MYO3B: variants seen among roughly 807,000 people sequenced by gnomAD.
MYO3B encodes myosin-IIIb.
Under a neutral mutation model 174.6 loss-of-function variants are expected in MYO3B, and 156 were observed. The observed-to-expected ratio is 0.89, with a 90% CI of 0.78 to 1.02. The LOEUF (loss-of-function observed/expected upper bound fraction) is 1.02. MYO3B is among the 50% of genes least tolerant of loss of function. The probability of loss-of-function intolerance (pLI) is 0.00; values close to 1 mark genes in which losing one functional copy is unlikely to be tolerated. For synonymous variants in MYO3B, 563 were observed against 569.1 expected (o/e 0.99, Z 0.15); for missense variants, 1,632 against 1,639.4 (o/e 1.00, Z 0.08).
chr2:170,593,569 C>G (rs1371973972), intron 32 of MYO3B, among the ~76,000 whole-genome samples: 1 of 152,236 alleles, frequency 6.6e-6, no homozygotes, highest in Non-Finnish European at 1.5e-5. Flanking sequence ...TGAATATCAG[C>G]TAACACTGGC....
intron 8 of MYO3B, among the ~76,000 whole-genome samples, chr2:170,352,707 C>G (rs554290581): frequency 6.6e-6 from 1 of 152,300 alleles, no homozygotes; most frequent in African/African-American, 2.4e-5. Context: ...TCACAGAATT[C>G]CTGAAAATGT....
At chr2:170,530,591 C>G (rs138355123) in intron 30 of MYO3B, among the ~76,000 whole-genome samples, 1 of 152,198 alleles carries the variant, frequency 6.6e-6, no homozygotes, top group Non-Finnish European at 1.5e-5. Flanking sequence ...AACTACCCAG[C>G]GCCAGGTTGA....
intron 32 of MYO3B, among the ~76,000 whole-genome samples, chr2:170,649,148 T>TAAAATAATATATAA (rs1698707802): frequency 1.5e-5 from 1 of 68,516 alleles, no homozygotes; most frequent in Admixed American, 2.7e-4. Context: ...ATATAATATA[T>TAAAATAATATATAA]TATATATAAA....
intron 8 of MYO3B, chr2:170,348,212 G>A (rs2094031915): frequency 6.6e-6 from 1 of 152,028 alleles, no homozygotes; most frequent in Admixed American, 6.6e-5. Context: ...CCTCTTTATG[G>A]CTACATAATA....
chr2:170,228,960 CAAAAAAAAA>C (rs539746576), intron 6 of MYO3B, among the ~76,000 whole-genome samples: 17 of 98,320 alleles, frequency 1.7e-4, no homozygotes, highest in African/African-American at 5.8e-4. Context: ...ATTCCCTTTA[CAAAAAAAAA>C]AAAAAAAAAA....
intron 22 of MYO3B, among the ~76,000 whole-genome samples, chr2:170,419,420 C>A (rs2094601339): frequency 6.6e-6 from 1 of 152,128 alleles, no homozygotes; most frequent in African/African-American, 2.4e-5. Context: ...AATAAGGACA[C>A]CAGTCATAAT....
chr2:170,577,448 T>C (rs925804886), intron 32 of MYO3B, among the ~76,000 whole-genome samples: 1 of 152,180 alleles, frequency 6.6e-6, no homozygotes, highest in Admixed American at 6.5e-5. Context: ...CCAGCTTATA[T>C]TGACTAACTG....
At chr2:170,501,740 T>A (rs904827143) in intron 27 of MYO3B, 45 bp from the exon 28 acceptor site, 2 of 1,345,514 alleles carry the variant, frequency 1.5e-6, no homozygotes, top group Admixed American at 3.4e-5. Context: ...CTCTGGCACG[T>A]TCTTAAATTA....
Position 170,383,780 on chromosome 2 carries a change from C to T in MYO3B, c.1256C>T (p.Ala419Val). 6.2e-7 allele frequency: 1 copy of T among 1,613,706 alleles called. No homozygotes were observed. Among genetic ancestry groups the T allele is most frequent in the Non-Finnish European group, 8.5e-7 (1 of 1,179,678 alleles). Residue 419 changes from alanine to valine, a missense_variant, in exon 12 of 35, where the codon GCT (alanine) becomes GTT (valine). Transcript: ENST00000408978. ...PPHIFASADA[A>V]YQCMVTLSKD... ...CACATATTTGCATCAGCAGATGCTG[C>T]TTACCAGTGCATGGTTACTCTCAGC...
At chr2:170,523,870 T>C (rs564556208) in intron 30 of MYO3B, among the ~76,000 whole-genome samples, 80 of 152,220 alleles carry the variant, frequency 5.3e-4, no homozygotes, top group African/African-American at 1.8e-3. Context: ...TTGCATATGA[T>C]TGGCCAGAAT....
chr2:170,488,469 G>C (rs886186794), intron 25 of MYO3B, among the ~76,000 whole-genome samples: 3 of 151,258 alleles, frequency 2.0e-5, no homozygotes, highest in Admixed American at 6.6e-5. Context: ...TCTTTCCCTT[G>C]TTAAAAAAAA....
chr2:170,430,499 GTGAC>G (rs2094700575), intron 22 of MYO3B, among the ~76,000 whole-genome samples: 1 of 151,752 alleles, frequency 6.6e-6, no homozygotes, highest in Admixed American at 6.6e-5. Context: ...AGCCTCCTGA[GTGAC>G]TGGTATTACA....
chr2:170,250,793 G>C (rs1312911705), intron 7 of MYO3B, among the ~76,000 whole-genome samples: 4 of 152,044 alleles, frequency 2.6e-5, no homozygotes, highest in Non-Finnish European at 5.9e-5. Context: ...GCTGGACAGG[G>C]GATGGAGTGG....
chr2:170,184,526 T>C (rs533367353), intron 1 of MYO3B, among the ~76,000 whole-genome samples: 1 of 152,108 alleles, frequency 6.6e-6, no homozygotes, highest in Non-Finnish European at 1.5e-5. Flanking sequence ...ATCTCATTCT[T>C]TTTATGGCTG....
At chr2:170,385,984 A>G in intron 12 of MYO3B, 1 of 425,428 alleles carries the variant, frequency 2.4e-6, no homozygotes, top group Admixed American at 4.0e-5. Flanking sequence ...TGGACAGATT[A>G]AACAGATTAT....
chr2:170,590,115 A>G (rs1017885642), intron 32 of MYO3B, among the ~76,000 whole-genome samples: 2 of 152,216 alleles, frequency 1.3e-5, no homozygotes, highest in Non-Finnish European at 2.9e-5. Context: ...AAATCACCTA[A>G]CAACACATTT....
At chr2:170,487,544 A>T (rs1292231293) in intron 25 of MYO3B, among the ~76,000 whole-genome samples, 1 of 152,172 alleles carries the variant, frequency 6.6e-6, no homozygotes, top group Non-Finnish European at 1.5e-5. Context: ...AAGCCCTAAA[A>T]CTCTACAGAG....
chr2:170,466,947 T>C (rs1208057464), intron 25 of MYO3B, among the ~76,000 whole-genome samples: 1 of 152,178 alleles, frequency 6.6e-6, no homozygotes, highest in African/African-American at 2.4e-5. Flanking sequence ...TCCATATACG[T>C]TTATATGTTA....
intron 7 of MYO3B, among the ~76,000 whole-genome samples, chr2:170,320,648 A>G (rs974689421): frequency 6.6e-6 from 1 of 151,870 alleles, no homozygotes; most frequent in Non-Finnish European, 1.5e-5. Flanking sequence ...TATATTTATG[A>G]TATATGTTAT....
Sources: gnomAD v4.1 joint callset for allele counts (sites outside exome capture counted in the v4.1 genomes callset) on GRCh38, gnomAD v4.1.1 for gene constraint, MANE v1.5 for transcripts, NCBI Gene and HGNC (gene_info 2026-07-23, HGNC 2026-07-21) for gene names.